Variants in SPCS3 observed in about 807,000 individuals in gnomAD.
SPCS3 encodes the protein signal peptidase complex subunit 3.
Under a neutral mutation model 17.2 loss-of-function variants are expected in SPCS3, and 9 were observed. That is an observed-to-expected ratio of 0.52 (90% CI 0.31 to 0.91). The LOEUF is 0.91. SPCS3 is among the 40% of genes least tolerant of loss of function. SPCS3 has a pLI of 0.04. For missense variants in SPCS3, 139 were observed against 217.5 expected, an observed-to-expected ratio of 0.64 and a Z score of 2.27; for synonymous variants, 87 against 89.6, an observed-to-expected ratio of 0.97 and a Z score of 0.16.
At chr4:176,324,713 T>C (rs1042210552) in intron 3 of SPCS3, among the ~76,000 whole-genome samples, 3 of 152,254 alleles carry the variant, frequency 2.0e-5, no homozygotes, top group Non-Finnish European at 2.9e-5. Flanking sequence ...GATTATATTA[T>C]AAAATTTTAG....
intron 4 of SPCS3, among the ~76,000 whole-genome samples, chr4:176,327,636 A>T (rs948602652): frequency 6.6e-6 from 1 of 152,230 alleles, no homozygotes; most frequent in African/African-American, 2.4e-5. Context: ...AGTTGATAAT[A>T]GTTAAAAGAA....
Position 176,320,109 on chromosome 4 carries a change from G to A in SPCS3, c.33G>A (p.Leu11=), listed in dbSNP as rs1215376979. 1 of 1,578,152 alleles carries A rather than the reference G, an allele frequency of 6.3e-7. No homozygotes were observed. The highest frequency in any genetic ancestry group is 8.6e-7 in the Non-Finnish European group (1 of 1,163,282). Residue 11 remains leucine (L), a synonymous_variant, in exon 1 of 5, where the codon CTG becomes CTA. Coordinates refer to ENST00000503362, the MANE Select transcript of SPCS3 (RefSeq NM_021928.4). MNTVLSRANS[L]FAFSLSVMAA... is the part of the protein sequence containing the mutation. ...CGGTGCTGTCGCGGGCGAACTCACTGTTCGCCTTCTCGCTGAGCGTGATGG... is the reference window on the plus strand; with the variant it reads ...CGGTGCTGTCGCGGGCGAACTCACTATTCGCCTTCTCGCTGAGCGTGATGG...
intron 4 of SPCS3, chr4:176,327,480 CAT>C (rs1312129296): frequency 5.5e-6 from 2 of 364,170 alleles, no homozygotes; most frequent in Non-Finnish European, 1.0e-5. Context: ...TCTGAAATGT[CAT>C]AGTCAAACTA....
At position 176,328,436 on chromosome 4, in the gene SPCS3, G is replaced by GTT. The variant is rs55821823; in HGVS notation, c.*124_*125dup. 0.011 allele frequency: 5,355 copies of GTT among 472,684 alleles called. 55 individuals carry two copies. Among genetic ancestry groups the GTT allele is most frequent in the African/African-American group, 0.047 (1,843 of 39,330 alleles). The allele number at this position is 472,684 out of a possible 1,614,324, so 29.3% of individuals were successfully genotyped here. A position where few individuals can be genotyped will look rare whatever the true frequency, so the allele number is the denominator to read the frequency against. ...TTGTTGGTTTGTTTTTTGGTTTTGG[G>GTT]TTTTTTTTTTTTTTTTTTTGGTATA... On this transcript the variant is annotated 3_prime_UTR_variant, in exon 5 of 5. Coordinates refer to ENST00000503362, the MANE Select transcript of SPCS3 (RefSeq NM_021928.4).
chr4:176,331,379 A>G lies in SPCS3; in HGVS notation c.*3049A>G, dbSNP rs1348793001. On this transcript the variant is annotated 3_prime_UTR_variant, in exon 5 of 5. Transcript: ENST00000503362. ...GTGAACATTGGTAGCAAACAAGCAT[A>G]TATTCATTTCAAAACTTTCCTTGCT... The G allele has an allele frequency of 6.6e-6, 1 of 152,098 alleles. No homozygotes were observed. Among genetic ancestry groups the G allele is most frequent in the East Asian group, 1.9e-4 (1 of 5,172 alleles). 9.4% of individuals were successfully genotyped at this position (152,098 alleles called of 1,614,324 possible). A position where few individuals can be genotyped will look rare whatever the true frequency, so the allele number is the denominator to read the frequency against.
At chr4:176,323,144 G>A (rs140964064) in intron 2 of SPCS3, among the ~76,000 whole-genome samples, 2 of 152,042 alleles carry the variant, frequency 1.3e-5, no homozygotes, top group Non-Finnish European at 1.5e-5. Flanking sequence ...TAGTTCTGTA[G>A]GTACCTTTTT....
intron 2 of SPCS3, among the ~76,000 whole-genome samples, chr4:176,322,910 A>G (rs1029061984): frequency 2.0e-5 from 3 of 152,042 alleles, no homozygotes; most frequent in Non-Finnish European, 4.4e-5. Context: ...TATCTTGGCA[A>G]TGTTCTCTGC....
rs769735615 is a variant in SPCS3, at chr4:176,320,149, G to T, written c.73G>T (p.Gly25Cys). The T allele has an allele frequency of 6.3e-7, 1 of 1,583,390 alleles. No individual in the cohort carries two copies. Among genetic ancestry groups the T allele is most frequent in the Non-Finnish European group, 8.6e-7 (1 of 1,165,890 alleles). Reference sequence around the variant, plus strand: ...GAGCGTGATGGCGGCGCTCACCTTCGGCTGCTTCATCACCACCGCCTTCAA... The same window carrying T: ...GAGCGTGATGGCGGCGCTCACCTTCTGCTGCTTCATCACCACCGCCTTCAA... The part of the protein sequence containing the change: ...SLSVMAALTF[G>C]CFITTAFKDR... Residue 25 changes from glycine (G) to cysteine (C), a missense_variant, in exon 1 of 5, where the codon GGC (glycine) becomes TGC (cysteine). By Grantham distance (159) the Gly-to-Cys change is radical (BLOSUM62 -3). Transcript: ENST00000503362.
At chr4:176,325,082 G>A (rs1409195811) in intron 3 of SPCS3, among the ~76,000 whole-genome samples, 3 of 134,558 alleles carry the variant, frequency 2.2e-5, no homozygotes, top group African/African-American at 5.6e-5. Context: ...ACAGAGTCTC[G>A]TGCTTGTAGC....
rs560450937 is a variant in SPCS3, at chr4:176,322,525, A to G, written c.217+282A>G. Among the ~76,000 whole-genome samples, 32 of 152,330 alleles carry G rather than the reference A, an allele frequency of 2.1e-4. 2 individuals are homozygous for G. The South Asian group carries it at 6.6e-3, about 32-fold the overall frequency. On this transcript the variant is annotated intron_variant, in intron 2 of 4. Transcript: ENST00000503362. Reference sequence around the variant, plus strand: ...AGTTTGAATCTGTATTTTAGAAAGAAAAAATAAAATTAGATCATTTGGATA... The same window carrying G: ...AGTTTGAATCTGTATTTTAGAAAGAGAAAATAAAATTAGATCATTTGGATA...
chr4:176,322,848 A>G (rs1011084554), intron 2 of SPCS3, among the ~76,000 whole-genome samples: 5 of 151,904 alleles, frequency 3.3e-5, no homozygotes, highest in Non-Finnish European at 5.9e-5. Context: ...TCTTTTGACA[A>G]CTCTGATCAT....
chr4:176,323,109 T>A (rs761727174), intron 2 of SPCS3, among the ~76,000 whole-genome samples: 4 of 152,166 alleles, frequency 2.6e-5, no homozygotes, highest in Non-Finnish European at 5.9e-5. Flanking sequence ...TTGGTAATTA[T>A]TGGATTTAGA....
intron 1 of SPCS3, 75 bp downstream of exon 1, chr4:176,320,294 C>T (rs1731517853): frequency 2.9e-5 from 36 of 1,245,416 alleles, no homozygotes; most frequent in Non-Finnish European, 3.4e-5. Flanking sequence ...GCCGCCGCGC[C>T]GGGGCTGCCG....
At chr4:176,327,397 T>A in intron 4 of SPCS3, 120 bp downstream of exon 4, 1 of 579,686 alleles carries the variant, frequency 1.7e-6, no homozygotes. Flanking sequence ...AAAGAAGTAT[T>A]TATGCATATC....
In SPCS3 at chr4:176,322,578, C is replaced by G. The variant is rs1030999432; in HGVS notation, c.217+335C>G. Among the ~76,000 whole-genome samples the G allele has an allele frequency of 4.6e-5, 7 of 152,166 alleles. No homozygotes were observed. The South Asian group carries it at 1.5e-3, about 32-fold the overall frequency. The stretch of plus-strand genomic sequence containing the variant: ...AAGGAAAAATATTACCAATGCTCAG[C>G]CTGCCTGTGAATATTTCATGTACAA... On this transcript the variant is annotated intron_variant, in intron 2 of 4. Transcript: ENST00000503362.
chr4:176,331,560 A>G lies in SPCS3; in HGVS notation c.*3230A>G, dbSNP rs1731687546. 6.6e-6 allele frequency: 1 copy of G among 152,072 alleles called. No individual in the cohort carries two copies. Among genetic ancestry groups the G allele is most frequent in the African/African-American group, 2.4e-5 (1 of 41,404 alleles). The allele number at this position is 152,072 out of a possible 1,614,324, so 9.4% of individuals were successfully genotyped here. Reference sequence around the variant, plus strand: ...AAAAATTCATGAAAATACTGAACATATGTTTGAGGATTTTTCTTTTCCTTT... The same window carrying G: ...AAAAATTCATGAAAATACTGAACATGTGTTTGAGGATTTTTCTTTTCCTTT... On this transcript the variant is annotated 3_prime_UTR_variant, in exon 5 of 5. Transcript: ENST00000503362.
chr4:176,320,086 G>A lies in SPCS3; in HGVS notation c.10G>A (p.Val4Met), dbSNP rs777548774. MNT[V>M]LSRANSLFAF... is the part of the protein sequence containing the mutation. Reference sequence around the variant, plus strand: ...GTGGGAGACGATCGCGATGAACACGGTGCTGTCGCGGGCGAACTCACTGTT... The same window carrying A: ...GTGGGAGACGATCGCGATGAACACGATGCTGTCGCGGGCGAACTCACTGTT... The change falls in exon 1 of 5, where the codon GTG becomes ATG. Residue 4 changes from valine (V) to methionine (M), a missense_variant. Transcript: ENST00000503362. 5.7e-6 allele frequency: 9 copies of A among 1,569,418 alleles called. No individual in the cohort carries two copies. Among genetic ancestry groups the A allele is most frequent in the Non-Finnish European group, 4.3e-6 (5 of 1,158,498 alleles).
Position 176,319,988 on chromosome 4 carries a change from A to G in SPCS3, c.-89A>G. ...CGCGCTCCCGGAACGCGCGCACCGC[A>G]GACGGCGCGGATCGCAGGGAGCCGG... On this transcript the variant is annotated 5_prime_UTR_variant, in exon 1 of 5. Transcript: ENST00000503362. The G allele has an allele frequency of 2.2e-6, 3 of 1,346,594 alleles. No individual in the cohort carries two copies. Among genetic ancestry groups the G allele is most frequent in the Non-Finnish European group, 1.9e-6 (2 of 1,036,268 alleles). The allele number at this position is 1,346,594 out of a possible 1,614,324, so 83.4% of individuals were successfully genotyped here.
At chr4:176,320,282 G>C in intron 1 of SPCS3, 63 bp downstream of exon 1, 1 of 1,294,032 alleles carries the variant, frequency 7.7e-7, no homozygotes, top group Non-Finnish European at 9.8e-7. Context: ...AGCCGAAGCC[G>C]GGCCGCCGCG....
Sources: gnomAD v4.1 joint callset for allele counts (sites outside exome capture counted in the v4.1 genomes callset) on GRCh38, gnomAD v4.1.1 for gene constraint, MANE v1.5 for transcripts, NCBI Gene and HGNC (gene_info 2026-07-23, HGNC 2026-07-21) for gene names.